LHFPL6: variants seen among roughly 807,000 people sequenced by gnomAD.
LHFPL6 encodes the protein LHFPL tetraspan subfamily member 6 protein.
LHFPL6 carries 9 observed loss-of-function variants against 20.6 expected under a neutral mutation model. The ratio of observed to expected loss-of-function variants is 0.44; its 90% CI spans 0.26 to 0.76. LHFPL6 has a LOEUF of 0.76. LHFPL6 is among the 30% of genes least tolerant of loss of function. The probability of loss-of-function intolerance (pLI) is 0.20; values close to 1 mark genes in which losing one functional copy is unlikely to be tolerated. For synonymous variants in LHFPL6, 105 were observed against 98.7 expected, an observed-to-expected ratio of 1.06 and a Z score of -0.38; for missense variants, 218 against 253.5, an observed-to-expected ratio of 0.86 and a Z score of 0.95.
At chr13:39,561,423 C>A (rs1174191694) in intron 2 of LHFPL6, among the ~76,000 whole-genome samples, 1 of 152,252 alleles carries the variant, frequency 6.6e-6, no homozygotes, top group Admixed American at 6.5e-5. Context: ...ACGAGAACCT[C>A]TCTCAGTGTC....
intron 2 of LHFPL6, among the ~76,000 whole-genome samples, chr13:39,422,359 C>T (rs1055326366): frequency 5.9e-5 from 9 of 152,012 alleles, no homozygotes; most frequent in Non-Finnish European, 1.3e-4. Context: ...AGCACTTTGG[C>T]GGATCATCTG....
chr13:39,375,873 T>C (rs1870282602), intron 3 of LHFPL6, among the ~76,000 whole-genome samples: 1 of 151,942 alleles, frequency 6.6e-6, no homozygotes, highest in African/African-American at 2.4e-5. Context: ...ATTTTATCTG[T>C]GGATGATGCC....
chr13:39,384,014 CA>C (rs1256603955), intron 2 of LHFPL6, among the ~76,000 whole-genome samples: 1 of 152,136 alleles, frequency 6.6e-6, no homozygotes, highest in Admixed American at 6.5e-5. Context: ...AGTAGGTCTA[CA>C]AAAAACGTTA....
At chr13:39,449,975 T>G (rs1354221117) in intron 2 of LHFPL6, among the ~76,000 whole-genome samples, 1 of 152,220 alleles carries the variant, frequency 6.6e-6, no homozygotes, top group African/African-American at 2.4e-5. Context: ...CTCATATATT[T>G]GGAACACAAC....
At chr13:39,499,830 A>T (rs1478567139) in intron 2 of LHFPL6, among the ~76,000 whole-genome samples, 1 of 152,204 alleles carries the variant, frequency 6.6e-6, no homozygotes, top group African/African-American at 2.4e-5. Flanking sequence ...TTGAGCCAAT[A>T]AATTCTTTTT....
chr13:39,434,736 A>C (rs1871908468), intron 2 of LHFPL6, among the ~76,000 whole-genome samples: 1 of 152,132 alleles, frequency 6.6e-6, no homozygotes, highest in African/African-American at 2.4e-5. Flanking sequence ...AAAAAATGCC[A>C]ATGTTACTTA....
chr13:39,457,901 A>G (rs1214195972), intron 2 of LHFPL6, among the ~76,000 whole-genome samples: 1 of 152,232 alleles, frequency 6.6e-6, no homozygotes, highest in Non-Finnish European at 1.5e-5. Flanking sequence ...ATGGCCACAG[A>G]GTAACACAGT....
chr13:39,400,730 C>T (rs1420504229), intron 2 of LHFPL6, among the ~76,000 whole-genome samples: 1 of 125,074 alleles, frequency 8.0e-6, no homozygotes, highest in African/African-American at 3.0e-5. Flanking sequence ...TTGCAGTGAG[C>T]CGAGATCCCG....
chr13:39,448,525 A>G (rs1251508506), intron 2 of LHFPL6, among the ~76,000 whole-genome samples: 3 of 152,228 alleles, frequency 2.0e-5, no homozygotes, highest in Admixed American at 2.0e-4. Flanking sequence ...TCATTTTTGT[A>G]TCTCTACTTT....
chr13:39,589,547 CT>C (rs1182270840), intron 2 of LHFPL6, among the ~76,000 whole-genome samples: 2 of 151,900 alleles, frequency 1.3e-5, no homozygotes, highest in Non-Finnish European at 1.5e-5. Context: ...AATTCCTGGA[CT>C]TTTTTTTATT....
intron 2 of LHFPL6, among the ~76,000 whole-genome samples, chr13:39,514,978 GATCAATTCAATAAATAA>G (rs1869855064): frequency 6.6e-6 from 1 of 152,164 alleles, no homozygotes; most frequent in African/African-American, 2.4e-5. Context: ...CGCAGGAATA[GATCAATTCAATAAATAA>G]CTCCCAAATC....
At chr13:39,375,411 C>T (rs1008676899) in intron 3 of LHFPL6, among the ~76,000 whole-genome samples, 1 of 152,148 alleles carries the variant, frequency 6.6e-6, no homozygotes, top group African/African-American at 2.4e-5. Context: ...CAGGGATGGG[C>T]CAGGCAGGGT....
At chr13:39,558,350 G>A (rs988565997) in intron 2 of LHFPL6, among the ~76,000 whole-genome samples, 6 of 152,184 alleles carry the variant, frequency 3.9e-5, no homozygotes, top group Non-Finnish European at 8.8e-5. Context: ...TACATGCAAT[G>A]CCTATAATAT....
intron 3 of LHFPL6, among the ~76,000 whole-genome samples, chr13:39,366,839 A>T (rs962768421): frequency 1.1e-4 from 17 of 152,206 alleles, no homozygotes; most frequent in Admixed American, 9.8e-4. Flanking sequence ...GGGAACTCAA[A>T]TCTTTTATAA....
chr13:39,543,531 A>C (rs940420031), intron 2 of LHFPL6, among the ~76,000 whole-genome samples: 2 of 152,112 alleles, frequency 1.3e-5, no homozygotes, highest in African/African-American at 4.8e-5. Context: ...TATCTTTCTG[A>C]AGTTTCTTTT....
At chr13:39,508,750 T>A (rs1869581857) in intron 2 of LHFPL6, among the ~76,000 whole-genome samples, 1 of 152,210 alleles carries the variant, frequency 6.6e-6, no homozygotes. Flanking sequence ...GACATCTTCA[T>A]TGTTTCCAGT....
chr13:39,568,702 C>G (rs1871807348), intron 2 of LHFPL6, among the ~76,000 whole-genome samples: 1 of 152,144 alleles, frequency 6.6e-6, no homozygotes, highest in African/African-American at 2.4e-5. Context: ...CCTTCCTGCC[C>G]ATCTCAGAAG....
intron 2 of LHFPL6, among the ~76,000 whole-genome samples, chr13:39,507,927 C>T (rs1869545193): frequency 6.7e-6 from 1 of 148,898 alleles, no homozygotes; most frequent in East Asian, 2.0e-4. Context: ...TCCCTCCCTC[C>T]CTCCCATTTC....
chr13:39,407,723 C>A (rs1340133285), intron 2 of LHFPL6, among the ~76,000 whole-genome samples: 1 of 152,144 alleles, frequency 6.6e-6, no homozygotes, highest in Non-Finnish European at 1.5e-5. Context: ...ATTAACTGAG[C>A]CATTCATATA....
Sources: allele counts gnomAD v4.1 joint callset (sites outside exome capture counted in the v4.1 genomes callset), GRCh38; gene constraint gnomAD v4.1.1; transcripts MANE v1.5; gene names NCBI Gene and HGNC (gene_info 2026-07-23, HGNC 2026-07-21).